The following SAMM50 variants were observed in gnomAD, a reference collection of about 807,000 sequenced individuals.
SAMM50 encodes the protein sorting and assembly machinery component 50 homolog.
A neutral mutation model predicts 66.9 loss-of-function variants in SAMM50; 47 were observed. The ratio of observed to expected loss-of-function variants is 0.70; its 90% CI spans 0.56 to 0.90. SAMM50 has a LOEUF of 0.90. Among genes scored for constraint, SAMM50 ranks in the 40% least tolerant of loss-of-function variants. SAMM50 has a pLI of 0.00. For missense variants in SAMM50, 535 were observed against 595.3 expected, an observed-to-expected ratio of 0.90 and a Z score of 1.05; for synonymous variants, 191 against 214.1, an observed-to-expected ratio of 0.89 and a Z score of 0.94.
chr22:43,988,805 A>G (rs1411352999), intron 12 of SAMM50: 6 of 247,302 alleles, frequency 2.4e-5, no homozygotes, highest in Non-Finnish European at 3.8e-5. Context: ...AGTTATTGTC[A>G]TGAGACTCAT....
At chr22:43,966,387 C>T (rs916559209) in intron 3 of SAMM50, among the ~76,000 whole-genome samples, 8 of 151,346 alleles carry the variant, frequency 5.3e-5, no homozygotes, top group Admixed American at 1.3e-4. Flanking sequence ...GACGGAGTTT[C>T]GCTCTTGTTG....
At chr22:43,994,298 C>G (rs1481551661) in intron 14 of SAMM50, among the ~76,000 whole-genome samples, 11 of 152,136 alleles carry the variant, frequency 7.2e-5, no homozygotes, top group African/African-American at 2.7e-4. Context: ...CCCTGAGCTC[C>G]CACGCCTTTG....
rs550496872 is a variant in SAMM50 at position 43,983,913 on chromosome 22, T to C, written c.1008-20T>C. 2.5e-6 allele frequency: 4 copies of C among 1,588,118 alleles called. No individual in the cohort carries two copies. The South Asian group carries it at 4.5e-5, about 18-fold the overall frequency. On this transcript the variant is annotated intron_variant, in intron 11 of 14. Coordinates refer to ENST00000350028, the MANE Select transcript of SAMM50 (RefSeq NM_015380.5). This position sits in a 1 kb window ranked among gnomAD's most constrained non-coding sequence, Gnocchi z 4.2. ...CTCACCTCCTGACTTTCCTCTGACC[T>C]GTGTGCTGTTTTGTCCTAGGTTTTA... is the stretch of plus-strand genomic sequence containing the variant.
chr22:43,956,156 TG>T (rs772819016), intron 1 of SAMM50, among the ~76,000 whole-genome samples: 3 of 152,220 alleles, frequency 2.0e-5, no homozygotes, highest in Non-Finnish European at 2.9e-5. Flanking sequence ...AGACAATGCA[TG>T]TGAATACTTG....
At chr22:43,964,598 A>C in intron 3 of SAMM50, 45 bp downstream of exon 3, 1 of 1,068,644 alleles carries the variant, frequency 9.4e-7, no homozygotes. Context: ...TCTCTTCTGA[A>C]GAACTCGTAA....
chr22:43,990,484 C>T (rs1394424684), intron 14 of SAMM50, 78 bp downstream of exon 14: 2 of 1,357,874 alleles, frequency 1.5e-6, no homozygotes, highest in African/African-American at 1.4e-5. Context: ...TGGTTAATTT[C>T]ATTAGTGGCT....
At chr22:43,968,900 G>A in intron 4 of SAMM50, 82 bp downstream of exon 4, 1 of 939,898 alleles carries the variant, frequency 1.1e-6, no homozygotes, top group Non-Finnish European at 1.7e-6. Flanking sequence ...ATGCAGATCT[G>A]GGCAGCAGAG....
intron 9 of SAMM50, 108 bp from the exon 10 acceptor site, chr22:43,977,764 T>TA: frequency 1.4e-6 from 1 of 730,512 alleles, no homozygotes; most frequent in Non-Finnish European, 2.3e-6. Flanking sequence ...CTGTAGCCTT[T>TA]AAAAAAATAC....
At chr22:43,976,642 A>G (rs1211724076) in intron 8 of SAMM50, 108 bp from the exon 9 acceptor site, 9 of 783,882 alleles carry the variant, frequency 1.1e-5, no homozygotes, top group Non-Finnish European at 2.0e-5. Flanking sequence ...ACGAAATGAC[A>G]TGATAGTTGT....
At chr22:43,974,265 C>G (rs1192295263) in intron 7 of SAMM50, among the ~76,000 whole-genome samples, 1 of 152,242 alleles carries the variant, frequency 6.6e-6, no homozygotes, top group Admixed American at 6.5e-5. Flanking sequence ...GTGTGCTCTC[C>G]CTCCAAGAAC....
chr22:43,981,452 T>C lies in SAMM50; in HGVS notation c.998T>C (p.Ile333Thr), dbSNP rs895844545. The C allele has an allele frequency of 1.9e-6, 3 of 1,610,942 alleles. No individual in the cohort carries two copies. The highest frequency in any genetic ancestry group is 1.3e-5 in the African/African-American group (1 of 75,008). The part of the protein sequence containing the change: ...LVPIGDKPSS[I>T]ADRFYLGGPT... ...CCCATTGGTGATAAGCCGTCAAGCA[T>C]TGCTGATAGGTAAGTACTAATCAAT... is the stretch of plus-strand genomic sequence containing the variant. Residue 333 changes from isoleucine (I) to threonine (T), a missense_variant, in exon 11 of 15, where the codon ATT becomes ACT. By Grantham distance (89) the Ile-to-Thr change is moderately conservative. Coordinates refer to ENST00000350028, the MANE Select transcript of SAMM50 (RefSeq NM_015380.5).
chr22:43,986,481 C>A (rs942015598), intron 12 of SAMM50: 1 of 152,190 alleles, frequency 6.6e-6, no homozygotes, highest in Non-Finnish European at 1.5e-5. Context: ...TCTCCACATG[C>A]TATGGAACTT....
intron 3 of SAMM50, among the ~76,000 whole-genome samples, chr22:43,966,015 T>G (rs924211467): frequency 1.3e-5 from 2 of 151,948 alleles, no homozygotes; most frequent in Non-Finnish European, 2.9e-5. Flanking sequence ...ATTTTTAAAG[T>G]TTTTCTGTAG....
intron 1 of SAMM50, 78 bp downstream of exon 1, chr22:43,955,676 G>T (rs946542223): frequency 2.1e-6 from 3 of 1,460,784 alleles, no homozygotes; most frequent in African/African-American, 2.8e-5. Context: ...AGACGCTCTC[G>T]TGGCTGCGCC....
At position 43,983,354 on chromosome 22, in the gene SAMM50, A is replaced by G. The variant is rs2050274540; in HGVS notation, c.1008-579A>G. Among the ~76,000 whole-genome samples, 1 of 152,208 alleles carries G rather than the reference A, an allele frequency of 6.6e-6. No individual in the cohort carries two copies. The highest frequency in any genetic ancestry group is 1.9e-4 in the East Asian group (1 of 5,204). ...TCAGAAAGTGGATGGGTTTTTATGT[A>G]ATTAATTTTTAATTCACGCTTTTCA... On this transcript the variant is annotated intron_variant, in intron 11 of 14. Coordinates refer to ENST00000350028, the MANE Select transcript of SAMM50 (RefSeq NM_015380.5). The surrounding 1 kb of genome is among the most constrained non-coding windows in gnomAD (Gnocchi z 4.2).
At chr22:43,964,646 G>A in intron 3 of SAMM50, 93 bp downstream of exon 3, 2 of 678,086 alleles carry the variant, frequency 2.9e-6, no homozygotes, top group East Asian at 2.9e-5. Flanking sequence ...CCTGCGCCCG[G>A]CCTCTGTGCC....
At chr22:43,973,625 A>G (rs926831399) in intron 7 of SAMM50, among the ~76,000 whole-genome samples, 1 of 152,160 alleles carries the variant, frequency 6.6e-6, no homozygotes, top group Admixed American at 6.5e-5. Flanking sequence ...TGGTCAGATC[A>G]CTGGAAGGTT....
At chr22:43,985,526 A>G (rs1283770021) in intron 12 of SAMM50, among the ~76,000 whole-genome samples, 2 of 152,068 alleles carry the variant, frequency 1.3e-5, no homozygotes, top group African/African-American at 2.4e-5. Context: ...CTGGGACCCA[A>G]TAACTTGTTT....
At chr22:43,976,250 A>G (rs888996650) in intron 8 of SAMM50, 67 bp downstream of exon 8, 8 of 1,536,476 alleles carry the variant, frequency 5.2e-6, no homozygotes, top group Non-Finnish European at 7.1e-6. Flanking sequence ...TTGGGAAAAC[A>G]GTCTTTGCCA....
Sources: gnomAD v4.1 joint callset for allele counts (sites outside exome capture counted in the v4.1 genomes callset) on GRCh38, gnomAD v4.1.1 for gene constraint, Gnocchi (gnomAD v3.1) non-coding constraint, MANE v1.5 for transcripts, NCBI Gene and HGNC (gene_info 2026-07-23, HGNC 2026-07-21) for gene names.